PLAAT3: variants seen among roughly 807,000 people sequenced by gnomAD.
The protein encoded by PLAAT3 is phospholipase A and acyltransferase 3, also known as Ca-independent phospholipase A1/2.
Under a neutral mutation model 16.7 loss-of-function variants are expected in PLAAT3, and 21 were observed. That is an observed-to-expected ratio of 1.26 (90% CI 0.89 to 1.81). The LOEUF (loss-of-function observed/expected upper bound fraction) is 1.81. Among genes scored for constraint, PLAAT3 ranks in the 40% most tolerant of loss-of-function variants. The pLI is 0.00. For synonymous variants in PLAAT3, 76 were observed against 81.7 expected (o/e 0.93, Z 0.38); for missense variants, 219 against 213.7 (o/e 1.02, Z -0.16).
intron 3 of PLAAT3, among the ~76,000 whole-genome samples, chr11:63,592,154 T>G (rs144915749): frequency 3.3e-5 from 5 of 152,136 alleles, no homozygotes; most frequent in African/African-American, 4.8e-5. Flanking sequence ...ACACAGTAAT[T>G]TAAAGTTCCT....
At chr11:63,579,200 G>A (rs921137676) in intron 4 of PLAAT3, among the ~76,000 whole-genome samples, 3 of 152,116 alleles carry the variant, frequency 2.0e-5, no homozygotes, top group African/African-American at 7.2e-5. Context: ...TTAGAATGGC[G>A]ATCATTAAAA....
chr11:63,578,874 G>T (rs1937704261), intron 4 of PLAAT3, among the ~76,000 whole-genome samples: 1 of 151,648 alleles, frequency 6.6e-6, no homozygotes, highest in Admixed American at 6.6e-5. Context: ...TGACAAATGG[G>T]ATCTAATTAA....
chr11:63,614,175 A>C, intron 1 of PLAAT3, 107 bp from the exon 2 acceptor site: 1 of 910,358 alleles, frequency 1.1e-6, no homozygotes, highest in Non-Finnish European at 1.7e-6. Flanking sequence ...CGCGCCTCGG[A>C]CCCCAGGAAC....
intron 3 of PLAAT3, among the ~76,000 whole-genome samples, chr11:63,591,527 A>C (rs1444754535): frequency 2.6e-5 from 4 of 152,232 alleles, no homozygotes; most frequent in Admixed American, 2.0e-4. Flanking sequence ...GTGCCACAGC[A>C]GCACCCTGTT....
chr11:63,586,616 G>C (rs1389794638), intron 4 of PLAAT3, among the ~76,000 whole-genome samples: 3 of 151,980 alleles, frequency 2.0e-5, no homozygotes, highest in Non-Finnish European at 2.9e-5. Context: ...AGGAGCATGA[G>C]TTTTACCAAG....
upstream of PLAAT3, among the ~76,000 whole-genome samples, chr11:63,615,136 A>G (rs1170695253): frequency 2.3e-4 from 1 of 4,434 alleles, no homozygotes; most frequent in African/African-American, 2.9e-4. Flanking sequence ...ATATATGTAT[A>G]TGTGTATATG....
chr11:63,587,343 A>G (rs190058954), intron 4 of PLAAT3, among the ~76,000 whole-genome samples: 8 of 152,284 alleles, frequency 5.3e-5, no homozygotes, highest in African/African-American at 1.2e-4. Flanking sequence ...GATCACATAC[A>G]AACAATAAAA....
intron 3 of PLAAT3, among the ~76,000 whole-genome samples, chr11:63,597,321 G>A (rs1421286733): frequency 2.0e-5 from 3 of 152,042 alleles, no homozygotes; most frequent in Non-Finnish European, 2.9e-5. Context: ...TCAGGAGATC[G>A]AGACCATCCT....
At chr11:63,615,844 T>G (rs1267916953), upstream of PLAAT3, among the ~76,000 whole-genome samples, 10 of 151,886 alleles carry the variant, frequency 6.6e-5, no homozygotes, top group Non-Finnish European at 1.0e-4. Flanking sequence ...ATTTTTGTAT[T>G]TTTAGTAGAG....
chr11:63,576,424 G>C lies in PLAAT3; in HGVS notation c.388-1378C>G, dbSNP rs181816833. Among the ~76,000 whole-genome samples the C allele has an allele frequency of 3.3e-5, 5 of 152,254 alleles. No homozygotes were observed. In the East Asian group the frequency reaches 9.6e-4, roughly 29 times the overall value. Reference sequence around the variant, plus strand: ...GGATCACTTGAGGCCAGGAGTTCCAGACAAACCCAGCCAACATGCGAAACC... The same window carrying C: ...GGATCACTTGAGGCCAGGAGTTCCACACAAACCCAGCCAACATGCGAAACC... On this transcript the variant is annotated intron_variant, in intron 4 of 4. Transcript: ENST00000415826.
At chr11:63,609,579 G>A (rs1026466034) in intron 2 of PLAAT3, among the ~76,000 whole-genome samples, 10 of 152,220 alleles carry the variant, frequency 6.6e-5, no homozygotes, top group African/African-American at 1.9e-4. Context: ...ACCCCATGCC[G>A]CACGCAGGCT....
At chr11:63,584,508 G>GTTTTTTTTGT (rs1937910842) in intron 4 of PLAAT3, among the ~76,000 whole-genome samples, 1 of 140,242 alleles carries the variant, frequency 7.1e-6, no homozygotes, top group Non-Finnish European at 1.5e-5. Flanking sequence ...TTTTTTTTTT[G>GTTTTTTTTGT]TTTTTTTTTG....
chr11:63,609,122 T>A (rs1035643016), intron 2 of PLAAT3, among the ~76,000 whole-genome samples: 2 of 152,144 alleles, frequency 1.3e-5, no homozygotes, highest in African/African-American at 4.8e-5. Flanking sequence ...GTGGAGGCTG[T>A]GAAACCCAGA....
chr11:63,603,310 A>G (rs1938475087), intron 2 of PLAAT3, among the ~76,000 whole-genome samples: 1 of 152,130 alleles, frequency 6.6e-6, no homozygotes, highest in Non-Finnish European at 1.5e-5. Flanking sequence ...CAGCCCACAC[A>G]GTGACCAAGG....
At chr11:63,607,168 C>T (rs1164632325) in intron 2 of PLAAT3, among the ~76,000 whole-genome samples, 2 of 152,102 alleles carry the variant, frequency 1.3e-5, no homozygotes, top group East Asian at 1.9e-4. Flanking sequence ...AACTGGGAGG[C>T]GGGATGGGGC....
At chr11:63,583,129 CA>C (rs992589548) in intron 4 of PLAAT3, among the ~76,000 whole-genome samples, 15 of 144,316 alleles carry the variant, frequency 1.0e-4, no homozygotes, top group South Asian at 2.2e-4. Flanking sequence ...GACACCATCT[CA>C]AAAAAAAAAA....
At chr11:63,615,146 G>GTATA (rs1565259765), upstream of PLAAT3, among the ~76,000 whole-genome samples, 11 of 9,936 alleles carry the variant, frequency 1.1e-3, no homozygotes, top group African/African-American at 1.2e-3. Context: ...ATGTGTATAT[G>GTATA]TGTGTATATA....
intron 3 of PLAAT3, among the ~76,000 whole-genome samples, chr11:63,591,993 G>C (rs1938164972): frequency 6.6e-6 from 1 of 152,146 alleles, no homozygotes; most frequent in Non-Finnish European, 1.5e-5. Context: ...TGCCACCCAG[G>C]ACAGGGGTAC....
Position 63,579,243 on chromosome 11 carries a change from G to A in PLAAT3, c.388-4197C>T, listed in dbSNP as rs190731347. Among the ~76,000 whole-genome samples the A allele has an allele frequency of 7.2e-3, 1,102 of 152,288 alleles. 17 individuals are homozygous for A. Among genetic ancestry groups the A allele is most frequent in the African/African-American group, 0.024 (1,013 of 41,546 alleles). On this transcript the variant is annotated intron_variant, in intron 4 of 4. Transcript: ENST00000415826. Reference sequence around the variant, plus strand: ...AAACAACAAGTGCTGGAGAGGATATGGAGAAATAGGAACACTTTTACACTG... The same window carrying A: ...AAACAACAAGTGCTGGAGAGGATATAGAGAAATAGGAACACTTTTACACTG...
Sources: gnomAD v4.1 joint callset for allele counts (sites outside exome capture counted in the v4.1 genomes callset) on GRCh38, gnomAD v4.1.1 for gene constraint, MANE v1.5 for transcripts, NCBI Gene and HGNC (gene_info 2026-07-23, HGNC 2026-07-21) for gene names.